Variants in APAF1 observed in about 807,000 individuals in gnomAD.
The protein encoded by APAF1 is apoptotic peptidase activating factor 1, also known as apoptotic protease-activating factor 1.
Under a neutral mutation model 152.4 loss-of-function variants are expected in APAF1, and 91 were observed. The ratio of observed to expected loss-of-function variants is 0.60; its 90% confidence interval spans 0.50 to 0.71. The LOEUF (loss-of-function observed/expected upper bound fraction) is 0.71. Ranked by LOEUF, APAF1 falls within the 30% of genes least tolerant of loss-of-function variation. The pLI, the probability that APAF1 is intolerant of heterozygous loss-of-function variation, is 0.00. For synonymous variants in APAF1, 484 were observed against 494.1 expected, an observed-to-expected ratio of 0.98 and a Z score of 0.27; for missense variants, 1,283 against 1,472.0, an observed-to-expected ratio of 0.87 and a Z score of 2.10.
chr12:98,695,097 G>C (rs1056162641), intron 16 of APAF1, among the ~76,000 whole-genome samples: 1 of 151,704 alleles, frequency 6.6e-6, no homozygotes, highest in Non-Finnish European at 1.5e-5. Flanking sequence ...CTGTTGCCCA[G>C]GCTGGAGTGC....
chr12:98,693,462 A>G (rs1593075609), intron 16 of APAF1, among the ~76,000 whole-genome samples: 2 of 152,112 alleles, frequency 1.3e-5, no homozygotes, highest in South Asian at 4.1e-4. Context: ...ACTAATCACA[A>G]TTGAGCCGTA....
At chr12:98,721,514 A>G (rs955281951) in intron 22 of APAF1, among the ~76,000 whole-genome samples, 12 of 152,232 alleles carry the variant, frequency 7.9e-5, no homozygotes, top group African/African-American at 2.9e-4. Flanking sequence ...ATGCTTAGTC[A>G]TATGGGGTGC....
chr12:98,661,736 TGGGATTACA>T (rs1438037076), intron 5 of APAF1, among the ~76,000 whole-genome samples: 2 of 152,072 alleles, frequency 1.3e-5, no homozygotes, highest in Non-Finnish European at 2.9e-5. Context: ...CCCAAAGTGC[TGGGATTACA>T]GGCCTAGAGT....
At chr12:98,693,188 A>G (rs1207598666) in intron 16 of APAF1, among the ~76,000 whole-genome samples, 4 of 151,642 alleles carry the variant, frequency 2.6e-5, no homozygotes, top group Non-Finnish European at 5.9e-5. Flanking sequence ...GTGTGTGGCT[A>G]CTGTAAATGG....
intron 19 of APAF1, among the ~76,000 whole-genome samples, chr12:98,707,417 T>C (rs1278924879): frequency 6.6e-6 from 1 of 152,196 alleles, no homozygotes; most frequent in Non-Finnish European, 1.5e-5. Context: ...TCTTCTCTAT[T>C]TGGGGAGAAT....
chr12:98,657,692 A>T (rs2097659523), intron 4 of APAF1, among the ~76,000 whole-genome samples: 1 of 152,178 alleles, frequency 6.6e-6, no homozygotes, highest in Admixed American at 6.5e-5. Flanking sequence ...TGCTGCAGTG[A>T]ATATTCTTGT....
At chr12:98,691,803 A>G (rs1353526189) in intron 16 of APAF1, among the ~76,000 whole-genome samples, 5 of 151,916 alleles carry the variant, frequency 3.3e-5, no homozygotes, top group Non-Finnish European at 7.4e-5. Context: ...TGATCCCTTC[A>G]TTAACTATTT....
chr12:98,703,444 A>C lies in APAF1; in HGVS notation c.2540A>C (p.Asp847Ala). ...CATCACAGCACCATCCAGTACTGTG[A>C]CTTCTCCCCACAAAACCATTTGGCA... is the stretch of plus-strand genomic sequence containing the variant. Reference protein sequence around the residue: ...TGHHSTIQYCDFSPQNHLAVV... With the variant: ...TGHHSTIQYCAFSPQNHLAVV... The change falls in exon 18 of 27, where the codon GAC (aspartate) becomes GCC (alanine). Residue 847 changes from aspartate to alanine, a missense_variant. Transcript: ENST00000551964. 1 of 1,614,108 alleles carries C rather than the reference A, an allele frequency of 6.2e-7. No individual in the cohort carries two copies. The highest frequency in any genetic ancestry group is 1.7e-5 in the Admixed American group (1 of 60,008).
intron 22 of APAF1, among the ~76,000 whole-genome samples, chr12:98,720,606 T>C (rs1438522452): frequency 6.6e-6 from 1 of 152,140 alleles, no homozygotes; most frequent in Admixed American, 6.5e-5. Context: ...TTGAAGTAAA[T>C]AAAGGCCAAG....
intron 26 of APAF1, among the ~76,000 whole-genome samples, chr12:98,731,120 T>G (rs2097760481): frequency 6.6e-6 from 1 of 152,236 alleles, no homozygotes; most frequent in African/African-American, 2.4e-5. Context: ...ACTCATTAGC[T>G]TTGTGACCTT....
At chr12:98,724,223 C>T (rs2097747106) in intron 24 of APAF1, among the ~76,000 whole-genome samples, 1 of 152,136 alleles carries the variant, frequency 6.6e-6, no homozygotes, top group South Asian at 2.1e-4. Context: ...TTGGAATTGT[C>T]AGGGCTGTAT....
intron 12 of APAF1, among the ~76,000 whole-genome samples, chr12:98,674,239 T>C (rs1383509491): frequency 6.6e-6 from 1 of 152,126 alleles, no homozygotes; most frequent in Non-Finnish European, 1.5e-5. Context: ...TGATCCTCCT[T>C]CCTTGACTTC....
rs558747979 is a variant in APAF1, at chr12:98,694,152, A to G, written c.2305-5256A>G. 9.0e-4 allele frequency among the ~76,000 whole-genome samples: 137 copies of G among 152,226 alleles called. 1 individual carries two copies. The South Asian group carries it at 0.027, about 30-fold the overall frequency. ...GATGGATTAAAAATTTAAATATATG[A>G]CCTCAAGCTATTAAAATCCTAGAAG... is the stretch of plus-strand genomic sequence containing the variant. On this transcript the variant is annotated intron_variant, in intron 16 of 26. Coordinates refer to ENST00000551964, the MANE Select transcript of APAF1 (RefSeq NM_181861.2).
intron 21 of APAF1, among the ~76,000 whole-genome samples, chr12:98,715,055 C>G (rs983334395): frequency 6.9e-6 from 1 of 144,944 alleles, no homozygotes; most frequent in Non-Finnish European, 1.5e-5. Context: ...TTTCTTCTCT[C>G]TTATCCATCT....
At chr12:98,730,338 C>T (rs1436931321) in intron 26 of APAF1, among the ~76,000 whole-genome samples, 2 of 152,154 alleles carry the variant, frequency 1.3e-5, no homozygotes, top group Non-Finnish European at 1.5e-5. Context: ...GGGGAGTCTT[C>T]GGCTATATTA....
rs1249831203 is a variant in APAF1 at position 98,648,786 on chromosome 12, A to G, written c.299A>G (p.Lys100Arg). 1 of 1,613,880 alleles carries G rather than the reference A, an allele frequency of 6.2e-7. No homozygotes were observed. The highest frequency in any genetic ancestry group is 1.3e-5 in the African/African-American group (1 of 74,914). The change falls in exon 3 of 27, where the codon AAA becomes AGA. Residue 100 changes from lysine (K) to arginine (R), a missense_variant. Lys to Arg is a conservative substitution (Grantham distance 26, BLOSUM62 2). Coordinates refer to ENST00000551964, the MANE Select transcript of APAF1 (RefSeq NM_181861.2). ...GIPVVSSSSGKDSVSGITSYV... is the reference protein window; with the variant it reads ...GIPVVSSSSGRDSVSGITSYV... ...CCTGTTGTCTCTTCTTCCAGTGGTA[A>G]AGATTCAGTTAGTGGAATAACTTCG...
intron 12 of APAF1, among the ~76,000 whole-genome samples, chr12:98,673,502 T>A (rs982059087): frequency 5.9e-5 from 9 of 152,146 alleles, no homozygotes; most frequent in African/African-American, 2.2e-4. Flanking sequence ...TGCATGCTCT[T>A]TCCATATGTC....
intron 16 of APAF1, among the ~76,000 whole-genome samples, chr12:98,698,710 T>C (rs2097712213): frequency 6.6e-6 from 1 of 152,198 alleles, no homozygotes; most frequent in African/African-American, 2.4e-5. Context: ...AACCTTTGGT[T>C]TGGGCATGGG....
At chr12:98,686,948 CT>C (rs1208817724) in intron 16 of APAF1, 75 bp downstream of exon 16, 1 of 1,482,868 alleles carries the variant, frequency 6.7e-7, no homozygotes. Context: ...AAATAGGTTT[CT>C]GTTTTTTCAC....
Sources: allele counts gnomAD v4.1 joint callset (sites outside exome capture counted in the v4.1 genomes callset), GRCh38; gene constraint gnomAD v4.1.1; transcripts MANE v1.5; gene names NCBI Gene and HGNC (gene_info 2026-07-23, HGNC 2026-07-21).